The following EDEM1 variants were observed in gnomAD, a reference collection of about 807,000 sequenced individuals.
EDEM1 encodes ER degradation-enhancing alpha-mannosidase-like protein 1.
A neutral mutation model predicts 74.4 loss-of-function variants in EDEM1; 67 were observed. The observed-to-expected ratio is 0.90, with a 90% CI of 0.74 to 1.10. The LOEUF (loss-of-function observed/expected upper bound fraction) is 1.10. EDEM1 is among the 50% of genes least tolerant of loss of function. The pLI, the probability that EDEM1 is intolerant of heterozygous loss-of-function variation, is 0.00. For synonymous variants in EDEM1, 382 were observed against 335.9 expected (o/e 1.14, Z -1.50); for missense variants, 926 against 851.6 (o/e 1.09, Z -1.09).
chr3:5,212,810 G>T (rs1370111415), intron 10 of EDEM1, among the ~76,000 whole-genome samples: 1 of 152,234 alleles, frequency 6.6e-6, no homozygotes, highest in Non-Finnish European at 1.5e-5. Flanking sequence ...TGCGTCTTCA[G>T]AGCCCAACCC....
Position 5,187,738 on chromosome 3 carries a change from C to A in EDEM1, c.-68C>A, listed in dbSNP as rs191393999. 2.6e-3 allele frequency: 3,746 copies of A among 1,433,788 alleles called. 92 individuals are homozygous for A. In the African/African-American group the frequency reaches 0.049, roughly 19 times the overall value. 88.8% of individuals were successfully genotyped at this position (1,433,788 alleles called of 1,614,324 possible). A position where few individuals can be genotyped will look rare whatever the true frequency, so the allele number is the denominator to read the frequency against. On this transcript the variant is annotated 5_prime_UTR_variant, in exon 1 of 12. Transcript: ENST00000256497. ...GAAGCGAGCCGGGCTACGGGGCGAG[C>A]GCGGGGTGCGGTGGTCGGCGGGGAG... is the stretch of plus-strand genomic sequence containing the variant.
At chr3:5,202,314 C>T (rs920499786) in intron 4 of EDEM1, among the ~76,000 whole-genome samples, 4 of 152,160 alleles carry the variant, frequency 2.6e-5, no homozygotes, top group African/African-American at 9.7e-5. Context: ...TGCGGGAGCT[C>T]AGTGAGTGTT....
chr3:5,206,145 G>C (rs934473397), intron 6 of EDEM1, among the ~76,000 whole-genome samples: 2 of 151,482 alleles, frequency 1.3e-5, no homozygotes, highest in African/African-American at 2.4e-5. Context: ...AGGATGACAG[G>C]AGAGAGAGAG....
chr3:5,198,531 T>C (rs2054996970), intron 2 of EDEM1, among the ~76,000 whole-genome samples: 1 of 152,208 alleles, frequency 6.6e-6, no homozygotes, highest in African/African-American at 2.4e-5. Flanking sequence ...GTTCTGTCCT[T>C]TGTTTGTACC....
Position 5,187,813 on chromosome 3 carries a change from G to C in EDEM1, c.8G>C (p.Trp3Ser). Residue 3 changes from tryptophan to serine, a missense_variant, in exon 1 of 12, where the codon TGG becomes TCG. Physicochemically the swap from Trp to Ser is radical, Grantham distance 177 (BLOSUM62 -3). Transcript: ENST00000256497. Reference sequence around the variant, plus strand: ...CGCGGCGCCCGCGCGACCATGCAATGGCGAGCGCTCGTCCTGGGGCTGGTG... The same window carrying C: ...CGCGGCGCCCGCGCGACCATGCAATCGCGAGCGCTCGTCCTGGGGCTGGTG... MQ[W>S]RALVLGLVLL... 2 of 1,580,842 alleles carry C rather than the reference G, an allele frequency of 1.3e-6. No homozygotes were observed. Among genetic ancestry groups the C allele is most frequent in the Non-Finnish European group, 1.7e-6 (2 of 1,165,048 alleles).
At chr3:5,210,048 C>T (rs1489267058) in intron 8 of EDEM1, 127 bp from the exon 9 acceptor site, 3 of 755,766 alleles carry the variant, frequency 4.0e-6, no homozygotes, top group African/African-American at 3.5e-5. Context: ...GATAAATGAC[C>T]TGGGCCCTGT....
intron 5 of EDEM1, among the ~76,000 whole-genome samples, chr3:5,204,650 C>T (rs2055074194): frequency 6.6e-6 from 1 of 152,134 alleles, no homozygotes; most frequent in African/African-American, 2.4e-5. Context: ...CCTCGGCTTC[C>T]CAAAGTGCTG....
At chr3:5,192,445 G>C (rs2054912734) in intron 1 of EDEM1, among the ~76,000 whole-genome samples, 1 of 152,160 alleles carries the variant, frequency 6.6e-6, no homozygotes, top group Admixed American at 6.5e-5. Flanking sequence ...CAAAGGCCAT[G>C]GTTTTCTCCA....
chr3:5,196,931 TTTTC>T (rs1055964897), intron 2 of EDEM1, among the ~76,000 whole-genome samples: 11 of 146,390 alleles, frequency 7.5e-5, no homozygotes, highest in East Asian at 3.9e-4. Context: ...TTTTCTTTTC[TTTTC>T]TTTTTTTTTT....
At chr3:5,195,384 A>G (rs924766483) in intron 2 of EDEM1, 103 bp downstream of exon 2, 38 of 532,122 alleles carry the variant, frequency 7.1e-5, no homozygotes, top group African/African-American at 6.4e-4. Flanking sequence ...TGATAAGTCA[A>G]AATGTATCAT....
chr3:5,212,770 T>C (rs60631872), intron 10 of EDEM1, among the ~76,000 whole-genome samples: 1 of 152,174 alleles, frequency 6.6e-6, no homozygotes, highest in Non-Finnish European at 1.5e-5. Context: ...ACATGCACCA[T>C]TGAGGGAAAG....
intron 10 of EDEM1, among the ~76,000 whole-genome samples, chr3:5,211,717 G>A (rs2055170948): frequency 6.6e-6 from 1 of 151,730 alleles, no homozygotes; most frequent in Non-Finnish European, 1.5e-5. Context: ...GGACCTGGAC[G>A]AACCCTTTGG....
rs1339075030 is a variant in EDEM1 at position 5,216,304 on chromosome 3, A to G, written c.*386A>G. The stretch of plus-strand genomic sequence containing the variant: ...GCTATGTCTTTAAAAAATTTTTTTT[A>G]TTATATTTTATTTTTTTGAGACAGG... On this transcript the variant is annotated 3_prime_UTR_variant, in exon 12 of 12. Coordinates refer to ENST00000256497, the MANE Select transcript of EDEM1 (RefSeq NM_014674.3). 6 of 158,154 alleles carry G rather than the reference A, an allele frequency of 3.8e-5. No individual in the cohort carries two copies. The highest frequency in any genetic ancestry group is 6.9e-5 in the Non-Finnish European group (5 of 72,130). The allele number at this position is 158,154 out of a possible 1,614,324, so 9.8% of individuals were successfully genotyped here. A position where few individuals can be genotyped will look rare whatever the true frequency, so the allele number is the denominator to read the frequency against.
chr3:5,201,313 G>C lies in EDEM1; in HGVS notation c.687-440G>C, dbSNP rs182632043. On this transcript the variant is annotated intron_variant, in intron 3 of 11. Transcript: ENST00000256497. The stretch of plus-strand genomic sequence containing the variant: ...GGACTACTGGTGTGTGCCACTACAT[G>C]CGGCTAATTTTTTTTATTTTTAATA... 1.4e-3 allele frequency among the ~76,000 whole-genome samples: 205 copies of C among 151,764 alleles called. 1 individual carries two copies. Among genetic ancestry groups the C allele is most frequent in the African/African-American group, 4.8e-3 (200 of 41,410 alleles).
intron 1 of EDEM1, among the ~76,000 whole-genome samples, chr3:5,188,744 C>T (rs6763378): frequency 1.4e-4 from 21 of 152,200 alleles, no homozygotes; most frequent in African/African-American, 4.8e-4. Context: ...GCCTTTACCT[C>T]GCACCCCCAC....
chr3:5,190,594 A>G (rs1248662879), intron 1 of EDEM1, among the ~76,000 whole-genome samples: 1 of 152,082 alleles, frequency 6.6e-6, no homozygotes, highest in East Asian at 1.9e-4. Context: ...TTGGTTATGC[A>G]TTGGTTTGGT....
intron 11 of EDEM1, among the ~76,000 whole-genome samples, chr3:5,215,592 A>G (rs2055224691): frequency 6.6e-6 from 1 of 152,194 alleles, no homozygotes. Flanking sequence ...ACATTGGAAC[A>G]GCGTCTGGAG....
At position 5,216,566 on chromosome 3, in the gene EDEM1, C is replaced by T. The variant is rs1038225083; in HGVS notation, c.*648C>T. On this transcript the variant is annotated 3_prime_UTR_variant, in exon 12 of 12. Transcript: ENST00000256497. ...GATAATTGGGGTCTTCCCCTGATAT[C>T]CAACCGTGATTTTGGATCACATGGG... 3.9e-5 allele frequency: 6 copies of T among 152,338 alleles called. No homozygotes were observed. Among genetic ancestry groups the T allele is most frequent in the African/African-American group, 9.6e-5 (4 of 41,454 alleles). 9.4% of individuals were successfully genotyped at this position (152,338 alleles called of 1,614,324 possible). A position where few individuals can be genotyped will look rare whatever the true frequency, so the allele number is the denominator to read the frequency against.
At chr3:5,194,963 C>T in intron 1 of EDEM1, 3 of 303,260 alleles carry the variant, frequency 9.9e-6, no homozygotes, top group Non-Finnish European at 1.8e-5. Context: ...CTCCTGACTT[C>T]CTGTGAGCAT....
Sources: gnomAD v4.1 joint callset for allele counts (sites outside exome capture counted in the v4.1 genomes callset) on GRCh38, gnomAD v4.1.1 for gene constraint, MANE v1.5 for transcripts, NCBI Gene and HGNC (gene_info 2026-07-23, HGNC 2026-07-21) for gene names.